MEF2B: variants seen among roughly 807,000 people sequenced by gnomAD.
MEF2B encodes myocyte enhancer factor 2B.
A neutral mutation model predicts 32.2 loss-of-function variants in MEF2B; 15 were observed. That is an observed-to-expected ratio of 0.47 (90% CI 0.31 to 0.72). The LOEUF (loss-of-function observed/expected upper bound fraction) is 0.72, where lower values mean the gene tolerates loss of function less well. Ranked by LOEUF, MEF2B falls within the 30% of genes least tolerant of loss-of-function variation. The pLI is 0.05. For missense variants in MEF2B, 441 were observed against 511.5 expected (o/e 0.86, Z 1.33); for synonymous variants, 205 against 225.6 (o/e 0.91, Z 0.82).
chr19:19,158,915 C>A (rs2060139203), intron 1 of MEF2B, among the ~76,000 whole-genome samples: 1 of 151,484 alleles, frequency 6.6e-6, no homozygotes, highest in Non-Finnish European at 1.5e-5. Flanking sequence ...CCAGCCCGGG[C>A]AACATTGTGA....
chr19:19,166,804 C>G (rs1020810641), intron 1 of MEF2B, among the ~76,000 whole-genome samples: 4 of 152,094 alleles, frequency 2.6e-5, no homozygotes, highest in African/African-American at 9.7e-5. Flanking sequence ...TGGCTCATGC[C>G]TCTAATCCCA....
intron 1 of MEF2B, among the ~76,000 whole-genome samples, chr19:19,164,187 G>A (rs564038593): frequency 5.3e-5 from 8 of 151,946 alleles, no homozygotes; most frequent in African/African-American, 1.4e-4. Flanking sequence ...GAATGGTCTC[G>A]AACTCCTGAC....
intron 1 of MEF2B, among the ~76,000 whole-genome samples, chr19:19,167,906 C>T (rs1409077583): frequency 6.6e-6 from 1 of 152,160 alleles, no homozygotes; most frequent in East Asian, 1.9e-4. Context: ...CCTAGTGTTA[C>T]TACCTGGCCT....
chr19:19,150,576 C>T, intron 2 of MEF2B, 106 bp downstream of exon 2: 1 of 1,459,128 alleles, frequency 6.9e-7, no homozygotes, highest in Non-Finnish European at 9.4e-7. Context: ...ACTCCTCATG[C>T]CTCCTCATTC....
chr19:19,151,397 C>G (rs977412950), intron 1 of MEF2B, among the ~76,000 whole-genome samples: 4 of 152,116 alleles, frequency 2.6e-5, no homozygotes, highest in Non-Finnish European at 2.9e-5. Context: ...TCCTGTACCC[C>G]ACTCAAGGAG....
Position 19,146,629 on chromosome 19 carries a change from A to G in MEF2B, c.695T>C (p.Leu232Pro), listed in dbSNP as rs1351725880. 1.2e-6 allele frequency: 2 copies of G among 1,612,134 alleles called. No homozygotes were observed. Among genetic ancestry groups the G allele is most frequent in the Non-Finnish European group, 8.5e-7 (1 of 1,179,216 alleles). Residue 232 changes from leucine (L) to proline (P), a missense_variant, in exon 7 of 9, where the codon CTG becomes CCG. By Grantham distance (98) the Leu-to-Pro change is moderately conservative (BLOSUM62 -3). Around this residue, in one of 2 missense-constraint regions of MEF2B, gnomAD observed 326 missense variants for 328.4 expected, o/e 0.99. Coordinates refer to ENST00000424583, the MANE Select transcript of MEF2B (RefSeq NM_001145785.2). ...AGTTGCAGTGGAGCAGGGGTTCTGC[A>G]GGCCACTGTAGAGGCTTCTCTGTGC... is the stretch of plus-strand genomic sequence containing the variant. ...LNTSRSLYSG[L>P]QNPCSTATPG...
chr19:19,163,472 C>T (rs996832116), intron 1 of MEF2B, among the ~76,000 whole-genome samples: 17 of 151,986 alleles, frequency 1.1e-4, no homozygotes, highest in African/African-American at 4.1e-4. Flanking sequence ...TTCTGCAGCA[C>T]CTCAGCCCTA....
intron 3 of MEF2B, among the ~76,000 whole-genome samples, chr19:19,148,443 C>T (rs2060045278): frequency 1.3e-5 from 2 of 151,990 alleles, no homozygotes; most frequent in Non-Finnish European, 2.9e-5. Context: ...GCAGAGTGGG[C>T]GACAAAGCAA....
intron 3 of MEF2B, 134 bp from the exon 4 acceptor site, chr19:19,147,966 GCCAAACCCCACTGA>G (rs2060041857): frequency 6.4e-6 from 9 of 1,413,614 alleles, no homozygotes; most frequent in Non-Finnish European, 8.4e-6. Context: ...GCCTGCTCTA[GCCAAACCCCACTGA>G]CCAAACCCCG....
chr19:19,145,893 G>A lies in MEF2B; in HGVS notation c.1011C>T (p.Phe337=). Residue 337 remains phenylalanine (F), a synonymous_variant, in exon 9 of 9, where the codon TTC becomes TTT. Transcript: ENST00000424583. This position sits in a 1 kb window ranked among gnomAD's most constrained non-coding sequence, Gnocchi z 4.6. ...PGGPGDFPKT[F]PYPLLLARSL... Reference sequence around the variant, plus strand: ...ACCGGGCGAGGAGCAAGGGATAGGGGAAGGTCTTAGGAAAGTCGCCGGGGC... The same window carrying A: ...ACCGGGCGAGGAGCAAGGGATAGGGAAAGGTCTTAGGAAAGTCGCCGGGGC... 1.4e-6 allele frequency: 2 copies of A among 1,463,962 alleles called. No homozygotes were observed. Among genetic ancestry groups the A allele is most frequent in the Non-Finnish European group, 1.8e-6 (2 of 1,106,252 alleles). The allele number at this position is 1,463,962 out of a possible 1,614,324, so 90.7% of individuals were successfully genotyped here. A position where few individuals can be genotyped will look rare whatever the true frequency, so the allele number is the denominator to read the frequency against.
rs1397864789 is a variant in MEF2B, at chr19:19,146,256, C to A, written c.881+17G>T. ...GCTTTGGAGGACTGGGACTTGCCGT[C>A]GTCTCAGGGCACTTACCTGGGCTGG... On this transcript the variant is annotated intron_variant, in intron 8 of 8. Transcript: ENST00000424583. 7 of 1,162,780 alleles carry A rather than the reference C, an allele frequency of 6.0e-6. No homozygotes were observed. Among genetic ancestry groups the A allele is most frequent in the Non-Finnish European group, 7.9e-6 (7 of 883,058 alleles). The allele number at this position is 1,162,780 out of a possible 1,614,324, so 72.0% of individuals were successfully genotyped here.
At chr19:19,150,362 T>C (rs1006963994) in intron 2 of MEF2B, among the ~76,000 whole-genome samples, 4 of 151,632 alleles carry the variant, frequency 2.6e-5, no homozygotes, top group Non-Finnish European at 5.9e-5. Context: ...ACCCCGTCTC[T>C]ACTAAAACTG....
At chr19:19,147,482 G>C (rs1166010490) in intron 4 of MEF2B, among the ~76,000 whole-genome samples, 1 of 68,714 alleles carries the variant, frequency 1.5e-5, no homozygotes, top group Non-Finnish European at 3.3e-5. Flanking sequence ...TGAAATGAAG[G>C]AAGGAACTGT....
intron 3 of MEF2B, among the ~76,000 whole-genome samples, chr19:19,148,266 C>T (rs1301972661): frequency 6.6e-6 from 1 of 152,238 alleles, no homozygotes; most frequent in Non-Finnish European, 1.5e-5. Context: ...GAGTTTGAGA[C>T]CAGCCTGGCC....
At chr19:19,154,230 C>T (rs1283984312) in intron 1 of MEF2B, among the ~76,000 whole-genome samples, 2 of 152,044 alleles carry the variant, frequency 1.3e-5, no homozygotes, top group African/African-American at 2.4e-5. Flanking sequence ...GTGGCGTGAT[C>T]GCGGCTTACT....
chr19:19,155,979 G>T (rs529289355), intron 1 of MEF2B, among the ~76,000 whole-genome samples: 28 of 152,178 alleles, frequency 1.8e-4, no homozygotes, highest in Non-Finnish European at 3.1e-4. Context: ...ACAGAAGAAA[G>T]AACAGGAGAA....
intron 1 of MEF2B, among the ~76,000 whole-genome samples, chr19:19,166,813 C>A (rs1365622758): frequency 6.6e-6 from 1 of 152,160 alleles, no homozygotes; most frequent in East Asian, 1.9e-4. Context: ...CCTCTAATCC[C>A]AGCACTTTGG....
chr19:19,147,145 G>C lies in MEF2B; in HGVS notation c.432C>G (p.Tyr144Ter), dbSNP rs568531616. The C allele has an allele frequency of 6.3e-7, 1 of 1,593,586 alleles. No homozygotes were observed. Among genetic ancestry groups the C allele is most frequent in the South Asian group, 1.1e-5 (1 of 88,308 alleles). The part of the protein sequence containing the change: ...APAMPSPDVV[Y>*]GALPPPGCDP... ...CACAGCCTGGTGGCGGTAAGGCCCC[G>C]TATACCACATCTGGGCTGGGCATAG... Residue 144 changes from tyrosine (Y) to a stop codon, truncating the protein, a stop_gained, in exon 5 of 9, where the codon TAC becomes TAG. Coordinates refer to ENST00000424583, the MANE Select transcript of MEF2B (RefSeq NM_001145785.2). LOFTEE classifies it high-confidence loss of function.
At chr19:19,150,182 G>A (rs149279209) in intron 2 of MEF2B, among the ~76,000 whole-genome samples, 279 of 110,130 alleles carry the variant, frequency 2.5e-3, no homozygotes, top group African/African-American at 8.1e-3. Flanking sequence ...GAGGGAGGGA[G>A]GGAAGGAAGG....
Sources: gnomAD v4.1 joint callset for allele counts (sites outside exome capture counted in the v4.1 genomes callset) on GRCh38, gnomAD v4.1.1 for gene constraint, gnomAD v4.1.1 regional missense constraint, Gnocchi (gnomAD v3.1) non-coding constraint, MANE v1.5 for transcripts, NCBI Gene and HGNC (gene_info 2026-07-23, HGNC 2026-07-21) for gene names.